Variants in PDE8B observed in about 807,000 individuals in gnomAD.
The protein encoded by PDE8B is phosphodiesterase 8B.
In PDE8B, 26 loss-of-function variants were observed where a neutral mutation model predicts 101.3. The ratio of observed to expected loss-of-function variants is 0.26; its 90% CI spans 0.19 to 0.36. The LOEUF (loss-of-function observed/expected upper bound fraction) is 0.36. Among genes scored for constraint, PDE8B ranks in the 10% least tolerant of loss-of-function variants. The pLI is 1.00. For synonymous variants in PDE8B, 424 were observed against 429.3 expected, an observed-to-expected ratio of 0.99 and a Z score of 0.15; for missense variants, 810 against 1,163.1, an observed-to-expected ratio of 0.70 and a Z score of 4.42.
At chr5:77,135,211 T>C in the PDE8B span, among the ~76,000 whole-genome samples, 5 of 152,318 alleles carry the variant, frequency 3.3e-5, no homozygotes, top group South Asian at 1.0e-3. Flanking sequence ...TAGGCAGGAC[T>C]TTCTTTCCTC....
chr5:77,294,145 A>G (rs1208501454), intron 1 of PDE8B, among the ~76,000 whole-genome samples: 1 of 152,226 alleles, frequency 6.6e-6, no homozygotes, highest in Non-Finnish European at 1.5e-5. Context: ...ACAGGGCAAT[A>G]ATGTAAATTG....
chr5:77,222,880 C>T (rs1751476928), intron 1 of PDE8B, among the ~76,000 whole-genome samples: 1 of 152,168 alleles, frequency 6.6e-6, no homozygotes, highest in Non-Finnish European at 1.5e-5. Flanking sequence ...AAGCCTGGAG[C>T]TCAAAGCTGC....
chr5:77,355,173 G>T (rs972050087), intron 10 of PDE8B, among the ~76,000 whole-genome samples: 1 of 152,168 alleles, frequency 6.6e-6, no homozygotes, highest in East Asian at 1.9e-4. Context: ...ATACAGGGGT[G>T]GGGGGCCACC....
Position 77,315,155 on chromosome 5 carries a change from A to G in PDE8B, c.399+3102A>G, listed in dbSNP as rs185532449. 5.9e-3 allele frequency among the ~76,000 whole-genome samples: 895 copies of G among 152,318 alleles called. 5 individuals carry two copies. Among genetic ancestry groups the G allele is most frequent in the Middle Eastern group, 0.014 (4 of 294 alleles). ...TTTTCATAACTCTGGCTTTTGAACAATAATTTTTCATTTTGAAGAAATCTT... is the reference window on the plus strand; with the variant it reads ...TTTTCATAACTCTGGCTTTTGAACAGTAATTTTTCATTTTGAAGAAATCTT... On this transcript the variant is annotated intron_variant, in intron 2 of 21. Coordinates refer to ENST00000264917, the MANE Select transcript of PDE8B (RefSeq NM_003719.5).
At chr5:77,172,885 C>T in the PDE8B span, among the ~76,000 whole-genome samples, 1 of 152,194 alleles carries the variant, frequency 6.6e-6, no homozygotes, top group Non-Finnish European at 1.5e-5. Flanking sequence ...CTCCACCAGC[C>T]ATTCACCCCT....
chr5:77,110,701 G>A, the PDE8B span, among the ~76,000 whole-genome samples: 1 of 152,186 alleles, frequency 6.6e-6, no homozygotes, highest in South Asian at 2.1e-4. Flanking sequence ...CACAGACTGC[G>A]ATGAAGTCAG....
At chr5:77,291,235 A>G (rs1767259636) in intron 1 of PDE8B, 1 of 1,611,876 alleles carries the variant, frequency 6.2e-7, no homozygotes, top group African/African-American at 1.3e-5. Flanking sequence ...AACAGACTTA[A>G]AAAGGCCTAC....
rs1454152546 is a variant in PDE8B at position 77,274,380 on chromosome 5, A to ACTGCTTCCTGCTGCCTTCCT, written c.340-37613_340-37594dup. 2.6e-5 allele frequency among the ~76,000 whole-genome samples: 4 copies of ACTGCTTCCTGCTGCCTTCCT among 152,238 alleles called. No homozygotes were observed. In the East Asian group the frequency reaches 7.7e-4, roughly 29 times the overall value. On this transcript the variant is annotated intron_variant, in intron 1 of 21. Transcript: ENST00000264917. The stretch of plus-strand genomic sequence containing the variant: ...GATCTATCTGATTCCAAAGCTTTCC[A>ACTGCTTCCTGCTGCCTTCCT]CTGCTTCCTGCTGCCTTCCTGCGGA...
the PDE8B span, chr5:77,118,577 G>A: frequency 6.4e-5 from 25 of 392,896 alleles, no homozygotes; most frequent in Non-Finnish European, 1.1e-4. Context: ...TCTCAGATCA[G>A]TGCCCTTTAT....
intron 10 of PDE8B, among the ~76,000 whole-genome samples, chr5:77,370,027 C>G (rs138445614): frequency 2.3e-3 from 357 of 152,352 alleles, no homozygotes; most frequent in African/African-American, 6.5e-3. Context: ...TATCACATCT[C>G]TTTAAATATA....
intron 1 of PDE8B, among the ~76,000 whole-genome samples, chr5:77,246,443 C>T (rs991962468): frequency 7.9e-5 from 12 of 152,128 alleles, no homozygotes; most frequent in Non-Finnish European, 2.9e-5. Context: ...CCTGAGGTAC[C>T]GGTCTGGCTC....
chr5:77,176,446 A>C, the PDE8B span, among the ~76,000 whole-genome samples: 1 of 152,252 alleles, frequency 6.6e-6, no homozygotes, highest in African/African-American at 2.4e-5. Context: ...GCAATTTAAA[A>C]AAACATTTTA....
intron 20 of PDE8B, among the ~76,000 whole-genome samples, chr5:77,424,547 C>G (rs751092860): frequency 2.6e-5 from 4 of 152,188 alleles, no homozygotes; most frequent in Non-Finnish European, 5.9e-5. Flanking sequence ...CAAGTTTGAA[C>G]AATCATAGTT....
chr5:77,362,145 A>G (rs1783215255), intron 10 of PDE8B, among the ~76,000 whole-genome samples: 1 of 152,216 alleles, frequency 6.6e-6, no homozygotes, highest in South Asian at 2.1e-4. Context: ...GCAGCAATAG[A>G]TGATATATAA....
chr5:77,379,432 T>C lies in PDE8B; in HGVS notation c.1168-20816T>C, dbSNP rs565072515. On this transcript the variant is annotated intron_variant, in intron 10 of 21. Coordinates refer to ENST00000264917, the MANE Select transcript of PDE8B (RefSeq NM_003719.5). Reference sequence around the variant, plus strand: ...ATATAAATAACATTTTAAATTACCATTAAGATAAAAGGGGAGAGATGCTGT... The same window carrying C: ...ATATAAATAACATTTTAAATTACCACTAAGATAAAAGGGGAGAGATGCTGT... Among the ~76,000 whole-genome samples, 188 of 152,268 alleles carry C rather than the reference T, an allele frequency of 1.2e-3. 1 individual carries two copies. Among genetic ancestry groups the C allele is most frequent in the African/African-American group, 4.3e-3 (178 of 41,558 alleles).
intron 5 of PDE8B, 66 bp downstream of exon 5, chr5:77,331,525 A>G: frequency 8.2e-7 from 1 of 1,222,242 alleles, no homozygotes; most frequent in Non-Finnish European, 1.2e-6. Context: ...CTCCCATAAC[A>G]GGGAAGCAAA....
At chr5:77,141,816 A>G in the PDE8B span, 2 of 152,318 alleles carry the variant, frequency 1.3e-5, no homozygotes, top group South Asian at 4.1e-4. Flanking sequence ...ATGCCTATCA[A>G]AGAGAGAATT....
the PDE8B span, among the ~76,000 whole-genome samples, chr5:77,193,748 C>T: frequency 6.6e-6 from 1 of 152,012 alleles, no homozygotes; most frequent in Admixed American, 6.5e-5. Context: ...ATCTATAGAT[C>T]AATTTAGGGG....
the PDE8B span, chr5:77,151,263 G>C: frequency 6.6e-6 from 1 of 152,330 alleles, no homozygotes; most frequent in African/African-American, 2.4e-5. Flanking sequence ...ATTCTGGGAA[G>C]GTCCTGGGGG....
Sources: gnomAD v4.1 joint callset for allele counts (sites outside exome capture counted in the v4.1 genomes callset) on GRCh38, gnomAD v4.1.1 for gene constraint, MANE v1.5 for transcripts, NCBI Gene and HGNC (gene_info 2026-07-23, HGNC 2026-07-21) for gene names.